The following INTS9 variants were observed in gnomAD, a reference collection of about 807,000 sequenced individuals.
INTS9 encodes the protein integrator complex subunit 9.
A neutral mutation model predicts 79.7 loss-of-function variants in INTS9; 55 were observed. The observed-to-expected ratio is 0.69, with a 90% CI of 0.56 to 0.86. The LOEUF is 0.86. Among genes scored for constraint, INTS9 ranks in the 40% least tolerant of loss-of-function variants. The probability of loss-of-function intolerance (pLI) is 0.00; values close to 1 mark genes in which losing one functional copy is unlikely to be tolerated. For synonymous variants in INTS9, 319 were observed against 325.2 expected, an observed-to-expected ratio of 0.98 and a Z score of 0.20; for missense variants, 721 against 831.5, an observed-to-expected ratio of 0.87 and a Z score of 1.64.
intron 13 of INTS9, among the ~76,000 whole-genome samples, 174 bp downstream of exon 13, chr8:28,777,655 C>T (rs1802968920): frequency 6.6e-6 from 1 of 151,940 alleles, no homozygotes; most frequent in Non-Finnish European, 1.5e-5. Context: ...GGTGTAAAGA[C>T]CACTCCTTTT....
In INTS9 at chr8:28,779,655, C is replaced by T. The variant is rs185914046; in HGVS notation, c.1270+1168G>A. 4.5e-4 allele frequency among the ~76,000 whole-genome samples: 68 copies of T among 152,336 alleles called. 1 individual carries two copies. In the Middle Eastern group the frequency reaches 0.014, roughly 30 times the overall value. ...CAGGGTGACGCCTCACCTCCGCGAA[C>T]ACCTGCGCATCACCGAACACCAGCC... is the stretch of plus-strand genomic sequence containing the variant. On this transcript the variant is annotated intron_variant, in intron 12 of 16. Coordinates refer to ENST00000521022, the MANE Select transcript of INTS9 (RefSeq NM_018250.4).
intron 11 of INTS9, among the ~76,000 whole-genome samples, chr8:28,784,704 G>C (rs187968269): frequency 1.5e-3 from 226 of 152,272 alleles, no homozygotes; most frequent in African/African-American, 4.9e-3. Flanking sequence ...AGTTGAGGAG[G>C]GGTTATAAAT....
At chr8:28,886,345 G>A (rs974027342) in intron 1 of INTS9, among the ~76,000 whole-genome samples, 4 of 151,092 alleles carry the variant, frequency 2.6e-5, no homozygotes, top group African/African-American at 4.9e-5. Flanking sequence ...CCTTCTAGGC[G>A]CAAGTGATCC....
At chr8:28,811,009 C>T (rs1805082654) in intron 8 of INTS9, among the ~76,000 whole-genome samples, 1 of 152,240 alleles carries the variant, frequency 6.6e-6, no homozygotes, top group Non-Finnish European at 1.5e-5. Flanking sequence ...CTTCTCTGCC[C>T]TTCAAACATG....
At chr8:28,849,237 C>G (rs1348437197) in intron 3 of INTS9, among the ~76,000 whole-genome samples, 1 of 152,182 alleles carries the variant, frequency 6.6e-6, no homozygotes, top group African/African-American at 2.4e-5. Flanking sequence ...GCTTTACAGT[C>G]TTTAACCTTC....
chr8:28,872,206 C>G (rs1809133994), intron 1 of INTS9, among the ~76,000 whole-genome samples: 1 of 152,058 alleles, frequency 6.6e-6, no homozygotes, highest in Admixed American at 6.5e-5. Context: ...CAAGAAATTC[C>G]ACTTAGGAAT....
At chr8:28,803,958 T>G (rs1804663311) in intron 8 of INTS9, among the ~76,000 whole-genome samples, 2 of 152,136 alleles carry the variant, frequency 1.3e-5, no homozygotes, top group South Asian at 4.1e-4. Context: ...GGGTCTCACT[T>G]TGTTGCCCAG....
intron 4 of INTS9, among the ~76,000 whole-genome samples, chr8:28,838,661 C>T (rs1240506775): frequency 2.6e-5 from 4 of 152,134 alleles, no homozygotes; most frequent in Non-Finnish European, 5.9e-5. Context: ...GCTGGGATTA[C>T]AGGTGTGCCC....
At chr8:28,779,478 C>G (rs1395489477) in intron 12 of INTS9, among the ~76,000 whole-genome samples, 2 of 152,204 alleles carry the variant, frequency 1.3e-5, no homozygotes, top group African/African-American at 4.8e-5. Context: ...CAAGACCCCT[C>G]TGTAATCATC....
rs751278891 is a variant in INTS9 at position 28,771,196 on chromosome 8, CAA to C, written c.1564-118_1564-117del. On this transcript the variant is annotated intron_variant, in intron 14 of 16. Coordinates refer to ENST00000521022, the MANE Select transcript of INTS9 (RefSeq NM_018250.4). ...AAGATGAAATAACTTTAAAGGTAAA[CAA>C]TTTTTTTTTTTTTGAGATGGAGTCT... is the stretch of plus-strand genomic sequence containing the variant. 5.8e-6 allele frequency: 5 copies of C among 856,872 alleles called. No individual in the cohort carries two copies. In the South Asian group the frequency reaches 7.2e-5, roughly 12 times the overall value. The allele number at this position is 856,872 out of a possible 1,614,324, so 53.1% of individuals were successfully genotyped here.
At chr8:28,801,169 T>G (rs1804495061) in intron 8 of INTS9, among the ~76,000 whole-genome samples, 1 of 152,152 alleles carries the variant, frequency 6.6e-6, no homozygotes, top group Non-Finnish European at 1.5e-5. Context: ...AAAACAAACC[T>G]ACATAGCAAC....
intron 6 of INTS9, among the ~76,000 whole-genome samples, chr8:28,825,725 G>A (rs1216167816): frequency 2.0e-5 from 3 of 152,222 alleles, no homozygotes; most frequent in African/African-American, 7.2e-5. Context: ...TTGAGTACTA[G>A]CAGCGTTCTG....
chr8:28,878,120 TA>T (rs1411808288), intron 1 of INTS9, among the ~76,000 whole-genome samples: 1 of 152,088 alleles, frequency 6.6e-6, no homozygotes, highest in Non-Finnish European at 1.5e-5. Context: ...ATCTCTAACT[TA>T]AAAAAGAAAA....
In INTS9 at chr8:28,858,672, CTG is replaced by C. The variant is rs200500709; in HGVS notation, c.137+762_137+763del. Among the ~76,000 whole-genome samples, 846 of 152,274 alleles carry C rather than the reference CTG, an allele frequency of 5.6e-3. 10 individuals are homozygous for C. Among genetic ancestry groups the C allele is most frequent in the African/African-American group, 0.019 (799 of 41,536 alleles). ...TTCTAGATGGTTCATCGGGTTATCA[CTG>C]TGAATAATCATTGTACTCAGTGATG... On this transcript the variant is annotated intron_variant, in intron 2 of 16. Transcript: ENST00000521022.
chr8:28,871,265 C>T (rs896544159), intron 1 of INTS9, among the ~76,000 whole-genome samples: 1 of 152,154 alleles, frequency 6.6e-6, no homozygotes, highest in Non-Finnish European at 1.5e-5. Flanking sequence ...GAGAGCCATA[C>T]TTACTGGAGG....
intron 2 of INTS9, 95 bp from the exon 3 acceptor site, chr8:28,850,368 G>T: frequency 1.1e-6 from 1 of 913,542 alleles, no homozygotes; most frequent in Non-Finnish European, 1.7e-6. Flanking sequence ...GTTAAGAACA[G>T]TTTAAAATTA....
intron 8 of INTS9, among the ~76,000 whole-genome samples, chr8:28,803,865 C>T (rs756333946): frequency 3.3e-5 from 5 of 152,092 alleles, no homozygotes; most frequent in African/African-American, 7.2e-5. Context: ...TCTATTATAA[C>T]TCCTGACAAG....
At chr8:28,836,203 T>C (rs917645718) in intron 5 of INTS9, among the ~76,000 whole-genome samples, 1 of 152,180 alleles carries the variant, frequency 6.6e-6, no homozygotes, top group Non-Finnish European at 1.5e-5. Context: ...CAAGGACAAA[T>C]GGAGTACGCT....
chr8:28,832,163 G>A (rs995711468), intron 6 of INTS9, among the ~76,000 whole-genome samples: 9 of 152,152 alleles, frequency 5.9e-5, no homozygotes, highest in Non-Finnish European at 1.0e-4. Context: ...GGGAGATGTA[G>A]GGAACTGGGG....
Sources: gnomAD v4.1 joint callset for allele counts (sites outside exome capture counted in the v4.1 genomes callset) on GRCh38, gnomAD v4.1.1 for gene constraint, MANE v1.5 for transcripts, NCBI Gene and HGNC (gene_info 2026-07-23, HGNC 2026-07-21) for gene names.